KLC1: variants seen among roughly 807,000 people sequenced by gnomAD.
KLC1 encodes kinesin light chain 1.
KLC1 carries 30 observed loss-of-function variants against 84.2 expected under a neutral mutation model. The observed-to-expected ratio is 0.36, with a 90% CI of 0.27 to 0.48. The LOEUF is 0.48. KLC1 is among the 20% of genes least tolerant of loss of function. The pLI is 0.99. For missense variants in KLC1, 499 were observed against 805.4 expected (o/e 0.62, Z 4.60); for synonymous variants, 289 against 293.3 (o/e 0.99, Z 0.15).
At chr14:103,640,582 G>A (rs1273432452) in intron 1 of KLC1, among the ~76,000 whole-genome samples, 2 of 151,276 alleles carry the variant, frequency 1.3e-5, no homozygotes, top group Non-Finnish European at 3.0e-5. Flanking sequence ...GGATGGTCTC[G>A]ATCTCCTGAC....
chr14:103,653,479 A>C (rs1252778304), intron 1 of KLC1, among the ~76,000 whole-genome samples: 1 of 152,010 alleles, frequency 6.6e-6, no homozygotes, highest in Non-Finnish European at 1.5e-5. Flanking sequence ...GTGCCAGCAC[A>C]CTCACCTAAT....
chr14:103,667,952 A>G (rs1162351293), intron 5 of KLC1, among the ~76,000 whole-genome samples: 1 of 152,170 alleles, frequency 6.6e-6, no homozygotes, highest in Non-Finnish European at 1.5e-5. Context: ...TTTCTGTTTT[A>G]CTCCAATCAA....
At chr14:103,656,907 T>G (rs1006038536) in intron 2 of KLC1, among the ~76,000 whole-genome samples, 1 of 152,242 alleles carries the variant, frequency 6.6e-6, no homozygotes, top group Non-Finnish European at 1.5e-5. Context: ...TGTGCTCTTA[T>G]GCTCCTAGGA....
chr14:103,641,014 T>G (rs2077447936), intron 1 of KLC1, among the ~76,000 whole-genome samples: 1 of 152,000 alleles, frequency 6.6e-6, no homozygotes, highest in Non-Finnish European at 1.5e-5. Context: ...AACCTCTGCC[T>G]TCTGGGTTCC....
intron 1 of KLC1, among the ~76,000 whole-genome samples, chr14:103,632,827 G>C (rs1445808736): frequency 1.3e-5 from 2 of 152,164 alleles, no homozygotes; most frequent in African/African-American, 4.8e-5. Context: ...GTGCACTGAG[G>C]AGGCGATTCT....
intron 15 of KLC1, 54 bp from the exon 16 acceptor site, chr14:103,700,601 G>A (rs1380256902): frequency 2.4e-5 from 35 of 1,457,552 alleles, no homozygotes; most frequent in Middle Eastern, 4.1e-4. Context: ...CTCTGAAGAC[G>A]CCTGAGGGCC....
At chr14:103,646,410 C>A (rs2077929094) in intron 1 of KLC1, among the ~76,000 whole-genome samples, 1 of 152,098 alleles carries the variant, frequency 6.6e-6, no homozygotes, top group African/African-American at 2.4e-5. Flanking sequence ...AAGCCATCTT[C>A]CCACTTCAGC....
chr14:103,673,306 AATATT>A, intron 8 of KLC1, 21 bp from the exon 9 acceptor site: 1 of 1,534,620 alleles, frequency 6.5e-7, no homozygotes, highest in Non-Finnish European at 8.8e-7. Context: ...AAAGATATGA[AATATT>A]TTATTTTATT....
At chr14:103,644,488 T>G (rs2077746466) in intron 1 of KLC1, among the ~76,000 whole-genome samples, 2 of 152,064 alleles carry the variant, frequency 1.3e-5, no homozygotes, top group African/African-American at 4.8e-5. Flanking sequence ...CTTGAACTCC[T>G]GACCTCCTGA....
At chr14:103,670,319 T>A (rs766277692) in intron 7 of KLC1, 36 bp downstream of exon 7, 1 of 1,503,762 alleles carries the variant, frequency 6.6e-7, no homozygotes, top group Admixed American at 1.9e-5. Context: ...TCTTTGAGAT[T>A]TTTGTTTTGT....
chr14:103,642,590 C>A (rs749304971), intron 1 of KLC1, among the ~76,000 whole-genome samples: 2 of 151,782 alleles, frequency 1.3e-5, no homozygotes, highest in Non-Finnish European at 2.9e-5. Context: ...AGGGCTGGGG[C>A]AGGGAAAATA....
At chr14:103,632,429 C>G (rs1010013851) in intron 1 of KLC1, among the ~76,000 whole-genome samples, 1 of 149,804 alleles carries the variant, frequency 6.7e-6, no homozygotes, top group Non-Finnish European at 1.5e-5. Flanking sequence ...CAAAAAGAGC[C>G]GCTGTCAGCC....
chr14:103,662,014 T>C, intron 3 of KLC1, 102 bp from the exon 4 acceptor site: 1 of 787,942 alleles, frequency 1.3e-6, no homozygotes, highest in Non-Finnish European at 2.2e-6. Context: ...TGATCATCTT[T>C]TCTAAGATTC....
chr14:103,658,431 T>G (rs974459844), intron 3 of KLC1, among the ~76,000 whole-genome samples: 2 of 138,280 alleles, frequency 1.4e-5, no homozygotes, highest in Non-Finnish European at 3.1e-5. Flanking sequence ...CAGCTAAGTT[T>G]TTTTTTTTTT....
At position 103,630,418 on chromosome 14, in the gene KLC1, C is replaced by A. The variant is rs914269567; in HGVS notation, c.-2+924C>A. On this transcript the variant is annotated intron_variant, in intron 1 of 16. Transcript: ENST00000334553. ...TTAAGCGTTTGAAAAGGAATACTTA[C>A]AAAAATGATGTTTTTTAAAAATGTG... Among the ~76,000 whole-genome samples the A allele has an allele frequency of 2.0e-5, 3 of 152,116 alleles. No homozygotes were observed. In the South Asian group the frequency reaches 6.2e-4, roughly 31 times the overall value.
chr14:103,642,775 T>G (rs1451830547), intron 1 of KLC1, among the ~76,000 whole-genome samples: 3 of 151,162 alleles, frequency 2.0e-5, no homozygotes, highest in Non-Finnish European at 4.4e-5. Flanking sequence ...TTTGGTTTTT[T>G]TTTTTTTTTT....
chr14:103,686,060 G>C (rs1481788153), intron 13 of KLC1: 1 of 1,020,080 alleles, frequency 9.8e-7, no homozygotes, highest in Non-Finnish European at 1.2e-6. Context: ...TAGAGCCCTG[G>C]GGGCCCCGCT....
intron 1 of KLC1, among the ~76,000 whole-genome samples, chr14:103,647,576 G>A (rs1296534817): frequency 6.6e-6 from 1 of 151,968 alleles, no homozygotes; most frequent in Non-Finnish European, 1.5e-5. Context: ...AGGCAGGTAA[G>A]CCTTTTGAAA....
intron 14 of KLC1, 61 bp from the exon 15 acceptor site, chr14:103,692,298 C>T: frequency 6.8e-7 from 1 of 1,478,748 alleles, no homozygotes; most frequent in South Asian, 1.2e-5. Flanking sequence ...CTTGTGCTTC[C>T]TGTTGCTGGT....
Sources: gnomAD v4.1 joint callset for allele counts (sites outside exome capture counted in the v4.1 genomes callset) on GRCh38, gnomAD v4.1.1 for gene constraint, MANE v1.5 for transcripts, NCBI Gene and HGNC (gene_info 2026-07-23, HGNC 2026-07-21) for gene names.